Variants in MRC1 observed in about 807,000 individuals in gnomAD.
MRC1 encodes the protein macrophage mannose receptor 1.
Under a neutral mutation model 102.9 loss-of-function variants are expected in MRC1, and 62 were observed. That is an observed-to-expected ratio of 0.60 (90% CI 0.49 to 0.74). The LOEUF (loss-of-function observed/expected upper bound fraction) is 0.74, where lower values mean the gene tolerates loss of function less well. MRC1 is among the 30% of genes least tolerant of loss of function. MRC1 has a pLI of 0.00. For synonymous variants in MRC1, 457 were observed against 298.4 expected, an observed-to-expected ratio of 1.53 and a Z score of -5.48; for missense variants, 1,237 against 862.8, an observed-to-expected ratio of 1.43 and a Z score of -5.43.
intron 21 of MRC1, among the ~76,000 whole-genome samples, chr10:17,883,091 T>C (rs1249738696): frequency 6.6e-6 from 1 of 152,222 alleles, no homozygotes; most frequent in African/African-American, 2.4e-5. Flanking sequence ...TATGATCTTA[T>C]TTGGAAAACA....
chr10:17,831,356 C>T (rs1160360855), intron 3 of MRC1, among the ~76,000 whole-genome samples: 1 of 151,304 alleles, frequency 6.6e-6, no homozygotes, highest in Non-Finnish European at 1.5e-5. Flanking sequence ...TTAAATTTAG[C>T]ATTACTGATT....
chr10:17,889,413 A>G (rs1396596499), intron 22 of MRC1, among the ~76,000 whole-genome samples: 3 of 152,082 alleles, frequency 2.0e-5, no homozygotes, highest in Non-Finnish European at 2.9e-5. Flanking sequence ...ACTTTAAGAA[A>G]GCTTTTTTCT....
chr10:17,905,576 C>A (rs1833884358), intron 26 of MRC1, among the ~76,000 whole-genome samples: 5 of 151,414 alleles, frequency 3.3e-5, no homozygotes, highest in Admixed American at 3.3e-4. Flanking sequence ...TTAGATGACT[C>A]TTTTCTGGTA....
At chr10:17,853,561 G>GAT (rs1168114504) in intron 8 of MRC1, among the ~76,000 whole-genome samples, 4 of 144,782 alleles carry the variant, frequency 2.8e-5, no homozygotes, top group Non-Finnish European at 6.0e-5. Flanking sequence ...TGTAAAAAGA[G>GAT]ATATATATGT....
intron 7 of MRC1, among the ~76,000 whole-genome samples, chr10:17,851,715 C>T (rs1838919880): frequency 1.3e-5 from 2 of 152,260 alleles, no homozygotes; most frequent in African/African-American, 4.8e-5. Context: ...ACTTTGAAGC[C>T]TGCATTTGTT....
In MRC1 at chr10:17,870,277, C is replaced by T; in HGVS notation, c.2015C>T (p.Thr672Met). The T allele has an allele frequency of 5.1e-6, 4 of 780,326 alleles. No homozygotes were observed. The highest frequency in any genetic ancestry group is 1.7e-5 in the African/African-American group (1 of 59,174). 48.3% of individuals were successfully genotyped at this position (780,326 alleles called of 1,614,324 possible). ...GCAAAAGGAAAACATGAGAAGAAAA[C>T]GTGGTTTGAATCTCGAGATTTTTGT... ...LYAKGKHEKK[T>M]WFESRDFCRA... Residue 672 changes from threonine (T) to methionine (M), a missense_variant, in exon 13 of 30, where the codon ACG becomes ATG. Physicochemically the swap from Thr to Met is moderately conservative, Grantham distance 81. Transcript: ENST00000569591.
In MRC1 at chr10:17,902,044, T is replaced by C. The variant is rs1421234927; in HGVS notation, c.3721T>C (p.Phe1241Leu). The C allele has an allele frequency of 2.6e-6, 2 of 780,670 alleles. No homozygotes were observed. Among genetic ancestry groups the C allele is most frequent in the African/African-American group, 3.4e-5 (2 of 59,112 alleles). 48.4% of individuals were successfully genotyped at this position (780,670 alleles called of 1,614,324 possible). ...GTCAGATCACACAGCATGGATTCCT[T>C]TCCATGGTCACTGTTACTATATTGA... ...PESDHTAWIPFHGHCYYIESS... is the reference protein window; with the variant it reads ...PESDHTAWIPLHGHCYYIESS... Residue 1241 changes from phenylalanine to leucine, a missense_variant, in exon 26 of 30, where the codon TTC (phenylalanine) becomes CTC (leucine). Coordinates refer to ENST00000569591, the MANE Select transcript of MRC1 (RefSeq NM_002438.4).
At chr10:17,880,997 G>A (rs1833506131) in intron 20 of MRC1, 70 bp from the exon 21 acceptor site, 2 of 776,294 alleles carry the variant, frequency 2.6e-6, no homozygotes, top group African/African-American at 1.7e-5. Flanking sequence ...GCTTTTTGTA[G>A]AGCAAAGTTG....
At chr10:17,891,693 A>G (rs2130706027) in intron 22 of MRC1, among the ~76,000 whole-genome samples, 1 of 152,306 alleles carries the variant, frequency 6.6e-6, no homozygotes, top group South Asian at 2.1e-4. Flanking sequence ...TTACTTAGCT[A>G]CGAATTAGGC....
intron 22 of MRC1, among the ~76,000 whole-genome samples, chr10:17,886,748 A>C (rs1589191996): frequency 1.3e-5 from 2 of 152,196 alleles, no homozygotes; most frequent in African/African-American, 4.8e-5. Flanking sequence ...AGGGGAACTT[A>C]GCAAAAGGTT....
chr10:17,861,255 GT>G, intron 9 of MRC1, 131 bp from the exon 10 acceptor site: 1 of 537,830 alleles, frequency 1.9e-6, no homozygotes, highest in Non-Finnish European at 3.3e-6. Flanking sequence ...GGAGGTTGCA[GT>G]GAGCCAAGAT....
intron 4 of MRC1, among the ~76,000 whole-genome samples, chr10:17,836,584 C>T (rs1173153075): frequency 6.6e-6 from 1 of 152,140 alleles, no homozygotes; most frequent in Non-Finnish European, 1.5e-5. Flanking sequence ...CTTGTATTCC[C>T]ATCACTTTGG....
chr10:17,861,170 G>A (rs936713430), intron 9 of MRC1, among the ~76,000 whole-genome samples: 21 of 152,236 alleles, frequency 1.4e-4, no homozygotes, highest in Admixed American at 4.6e-4. Context: ...AAATTTGGCC[G>A]GGTGTGGTGG....
intron 2 of MRC1, among the ~76,000 whole-genome samples, chr10:17,823,951 A>G (rs1321178685): frequency 6.6e-6 from 1 of 152,214 alleles, no homozygotes; most frequent in Non-Finnish European, 1.5e-5. Flanking sequence ...GCGACATGGG[A>G]TTCTAAATGT....
chr10:17,818,451 A>G (rs1384787585), intron 1 of MRC1, among the ~76,000 whole-genome samples: 4 of 152,178 alleles, frequency 2.6e-5, no homozygotes, highest in Admixed American at 6.5e-5. Context: ...ATATTTTAAG[A>G]TGGTTATGGA....
At chr10:17,812,567 CTTTTT>C (rs879229292) in intron 1 of MRC1, among the ~76,000 whole-genome samples, 2 of 79,908 alleles carry the variant, frequency 2.5e-5, no homozygotes, top group Admixed American at 1.4e-4. Flanking sequence ...CAACAGTAGG[CTTTTT>C]TTTTTTTTTT....
At chr10:17,815,222 T>C (rs1838292496) in intron 1 of MRC1, among the ~76,000 whole-genome samples, 1 of 152,204 alleles carries the variant, frequency 6.6e-6, no homozygotes, top group African/African-American at 2.4e-5. Flanking sequence ...CAGAGTAATG[T>C]TGAACTTGGC....
At chr10:17,872,247 G>A in intron 15 of MRC1, 121 bp downstream of exon 15, 1 of 770,860 alleles carries the variant, frequency 1.3e-6, no homozygotes. Context: ...AACTGTCAGT[G>A]GCCATCATTG....
intron 1 of MRC1, among the ~76,000 whole-genome samples, chr10:17,809,892 C>G (rs1353860184): frequency 1.3e-5 from 2 of 152,270 alleles, no homozygotes; most frequent in African/African-American, 4.8e-5. Context: ...CTATTTCTGT[C>G]TCACCGCCAA....
Sources: gnomAD v4.1 joint callset for allele counts (sites outside exome capture counted in the v4.1 genomes callset) on GRCh38, gnomAD v4.1.1 for gene constraint, MANE v1.5 for transcripts, NCBI Gene and HGNC (gene_info 2026-07-23, HGNC 2026-07-21) for gene names.